Variants in CCDC106 observed in about 807,000 individuals in gnomAD.
CCDC106 encodes the protein coiled-coil domain containing 106.
A neutral mutation model predicts 24.7 loss-of-function variants in CCDC106; 17 were observed. The ratio of observed to expected loss-of-function variants is 0.69; its 90% CI spans 0.47 to 1.03. CCDC106 has a LOEUF of 1.03. Ranked by LOEUF, CCDC106 falls within the 50% of genes least tolerant of loss-of-function variation. The probability of loss-of-function intolerance (pLI) is 0.00; values close to 1 mark genes in which losing one functional copy is unlikely to be tolerated. For synonymous variants in CCDC106, 211 were observed against 161.3 expected (o/e 1.31, Z -2.34); for missense variants, 337 against 388.9 (o/e 0.87, Z 1.12).
In CCDC106 at chr19:55,652,626, G is replaced by A; in HGVS notation, c.723G>A (p.Glu241=). The change falls in exon 5 of 5, where the codon GAG becomes GAA. Residue 241 remains glutamate, a synonymous_variant. Transcript: ENST00000586790. This position sits in a 1 kb window ranked among gnomAD's most constrained non-coding sequence, Gnocchi z 5.9. Reference sequence around the variant, plus strand: ...TGGGCGAGTTCGACCCCTCCAAGGAGCGCCTGCTCGAGTACTCCCGCCGCT... The same window carrying A: ...TGGGCGAGTTCGACCCCTCCAAGGAACGCCTGCTCGAGTACTCCCGCCGCT... ...AEVGEFDPSK[E]RLLEYSRRCF... 1 of 1,612,844 alleles carries A rather than the reference G, an allele frequency of 6.2e-7. No homozygotes were observed. The highest frequency in any genetic ancestry group is 8.5e-7 in the Non-Finnish European group (1 of 1,179,898).
At position 55,652,200 on chromosome 19, in the gene CCDC106, T is replaced by A. The variant is rs1408188738; in HGVS notation, c.527-230T>A. Among the ~76,000 whole-genome samples, 1 of 151,590 alleles carries A rather than the reference T, an allele frequency of 6.6e-6. No homozygotes were observed. Among genetic ancestry groups the A allele is most frequent in the Admixed American group, 6.6e-5 (1 of 15,232 alleles). ...CTCTTGGCTCATTTTGTCTCCTCAC[T>A]CTCCTTCCTGGGCCTGCCTCTTCCC... is the stretch of plus-strand genomic sequence containing the variant. On this transcript the variant is annotated intron_variant, in intron 4 of 4. Transcript: ENST00000586790. The surrounding 1 kb of genome is among the most constrained non-coding windows in gnomAD (Gnocchi z 5.9).
At position 55,652,760 on chromosome 19, in the gene CCDC106, C is replaced by A; in HGVS notation, c.*14C>A. Reference sequence around the variant, plus strand: ...TTCAAGCGGTGATCGCACCACGCCTCCGCGCCTCCACCCGGGCCTTCCTCC... The same window carrying A: ...TTCAAGCGGTGATCGCACCACGCCTACGCGCCTCCACCCGGGCCTTCCTCC... On this transcript the variant is annotated 3_prime_UTR_variant, in exon 5 of 5. Coordinates refer to ENST00000586790, the MANE Select transcript of CCDC106 (RefSeq NM_001370470.1). This position sits in a 1 kb window ranked among gnomAD's most constrained non-coding sequence, Gnocchi z 5.9. 1 of 1,595,056 alleles carries A rather than the reference C, an allele frequency of 6.3e-7. No homozygotes were observed. The highest frequency in any genetic ancestry group is 1.1e-5 in the South Asian group (1 of 90,268).
rs779615835 is a variant in CCDC106, at chr19:55,651,344, T to C, written c.375T>C (p.Ala125=). 6.2e-7 allele frequency: 1 copy of C among 1,613,300 alleles called. No homozygotes were observed. Among genetic ancestry groups the C allele is most frequent in the South Asian group, 1.1e-5 (1 of 91,054 alleles). The stretch of plus-strand genomic sequence containing the variant: ...TGGAGGGGGACAGCCGTGGTGGGGC[T>C]GGGGGCGAGGCCTCGGACCCTGAGT... The part of the protein sequence containing the change: ...RRMEGDSRGG[A]GGEASDPESA... The change falls in exon 4 of 5, where the codon GCT becomes GCC. Residue 125 remains alanine, a synonymous_variant. Coordinates refer to ENST00000586790, the MANE Select transcript of CCDC106 (RefSeq NM_001370470.1).
At position 55,652,783 on chromosome 19, in the gene CCDC106, T is replaced by G; in HGVS notation, c.*37T>G. ...CTCCGCGCCTCCACCCGGGCCTTCC[T>G]CCCCCGTGGACCCCGGTGGATGACC... On this transcript the variant is annotated 3_prime_UTR_variant, in exon 5 of 5. Coordinates refer to ENST00000586790, the MANE Select transcript of CCDC106 (RefSeq NM_001370470.1). This position sits in a 1 kb window ranked among gnomAD's most constrained non-coding sequence, Gnocchi z 5.9. 1 of 1,545,882 alleles carries G rather than the reference T, an allele frequency of 6.5e-7. No individual in the cohort carries two copies. The highest frequency in any genetic ancestry group is 8.8e-7 in the Non-Finnish European group (1 of 1,137,446).
rs554247732 is a variant in CCDC106 at position 55,651,343 on chromosome 19, C to T, written c.374C>T (p.Ala125Val). Residue 125 changes from alanine to valine, a missense_variant, in exon 4 of 5, where the codon GCT becomes GTT. Ala to Val is a moderately conservative substitution (Grantham distance 64). Around this residue, in one of 2 missense-constraint regions of CCDC106, gnomAD observed 234 missense variants for 236.5 expected, o/e 0.99. Coordinates refer to ENST00000586790, the MANE Select transcript of CCDC106 (RefSeq NM_001370470.1). Reference sequence around the variant, plus strand: ...ATGGAGGGGGACAGCCGTGGTGGGGCTGGGGGCGAGGCCTCGGACCCTGAG... The same window carrying T: ...ATGGAGGGGGACAGCCGTGGTGGGGTTGGGGGCGAGGCCTCGGACCCTGAG... The part of the protein sequence containing the change: ...RRMEGDSRGG[A>V]GGEASDPESA... 5 of 1,613,322 alleles carry T rather than the reference C, an allele frequency of 3.1e-6. No homozygotes were observed. Among genetic ancestry groups the T allele is most frequent in the Non-Finnish European group, 4.2e-6 (5 of 1,179,806 alleles).
At chr19:55,651,849 G>C (rs1983310968) in intron 4 of CCDC106, among the ~76,000 whole-genome samples, 1 of 152,030 alleles carries the variant, frequency 6.6e-6, no homozygotes, top group African/African-American at 2.4e-5. Context: ...TTTTAGTAGA[G>C]GCCAGGGTTT....
chr19:55,649,723 T>G (rs559258961), intron 3 of CCDC106, 139 bp downstream of exon 3: 3 of 773,848 alleles, frequency 3.9e-6, no homozygotes, highest in African/African-American at 1.8e-5. Context: ...CCTGCCTGTT[T>G]TGGGCCCCCA....
chr19:55,649,301 A>G lies in CCDC106; in HGVS notation c.128A>G (p.Asn43Ser). The change falls in exon 2 of 5, where the codon AAC becomes AGC. Residue 43 changes from asparagine to serine, a missense_variant. Transcript: ENST00000586790. ...TACAGTCTGAGCCCCTCTCGGAGAA[A>G]CTTCGAGGGTGAGCTGAGGGGGTGT... ...IFYSLSPSRRNFEEPPEAASS... is the reference protein window; with the variant it reads ...IFYSLSPSRRSFEEPPEAASS... 1 of 1,613,582 alleles carries G rather than the reference A, an allele frequency of 6.2e-7. No individual in the cohort carries two copies. The highest frequency in any genetic ancestry group is 8.5e-7 in the Non-Finnish European group (1 of 1,179,668).
chr19:55,649,686 T>A, intron 3 of CCDC106, 102 bp downstream of exon 3: 4 of 1,148,086 alleles, frequency 3.5e-6, no homozygotes, highest in Non-Finnish European at 1.2e-6. Context: ...GGGTGGGACC[T>A]GCCATGTTGG....
rs1006869681 is a variant in CCDC106 at position 55,652,904 on chromosome 19, C to A, written c.*158C>A. ...CCCAAGCGCGACGGCCCCGGACCGG[C>A]CGCGGCCCCTTCCCGAACGCCGGCA... On this transcript the variant is annotated 3_prime_UTR_variant, in exon 5 of 5. Coordinates refer to ENST00000586790, the MANE Select transcript of CCDC106 (RefSeq NM_001370470.1). The surrounding 1 kb of genome is among the most constrained non-coding windows in gnomAD (Gnocchi z 5.9). 1 of 645,072 alleles carries A rather than the reference C, an allele frequency of 1.6e-6. No individual in the cohort carries two copies. The highest frequency in any genetic ancestry group is 3.0e-5 in the Admixed American group (1 of 33,106). 40.0% of individuals were successfully genotyped at this position (645,072 alleles called of 1,614,324 possible).
At position 55,648,710 on chromosome 19, in the gene CCDC106, G is replaced by A. The variant is rs2123645606; in HGVS notation, c.-337G>A. ...TGTCCCTGGTCAGGCGACCCCTTGG[G>A]GCACCCAGCAATTTAGGGCTTCAGC... On this transcript the variant is annotated 5_prime_UTR_variant, in exon 1 of 5. Coordinates refer to ENST00000586790, the MANE Select transcript of CCDC106 (RefSeq NM_001370470.1). The A allele has an allele frequency of 2.3e-6, 1 of 433,162 alleles. No individual in the cohort carries two copies. The highest frequency in any genetic ancestry group is 3.1e-5 in the South Asian group (1 of 31,880). 26.8% of individuals were successfully genotyped at this position (433,162 alleles called of 1,614,324 possible).
chr19:55,651,824 G>T (rs999757698), intron 4 of CCDC106, among the ~76,000 whole-genome samples: 1 of 152,064 alleles, frequency 6.6e-6, no homozygotes, highest in Non-Finnish European at 1.5e-5. Context: ...ACCACGCCTG[G>T]CTAATTTTTT....
In CCDC106 at chr19:55,651,358, C is replaced by T. The variant is rs769496373; in HGVS notation, c.389C>T (p.Ser130Leu). Reference sequence around the variant, plus strand: ...CGTGGTGGGGCTGGGGGCGAGGCCTCGGACCCTGAGTCAGCAGCCTCCTCC... The same window carrying T: ...CGTGGTGGGGCTGGGGGCGAGGCCTTGGACCCTGAGTCAGCAGCCTCCTCC... ...DSRGGAGGEA[S>L]DPESAASSLS... is the part of the protein sequence containing the mutation. Residue 130 changes from serine to leucine, a missense_variant, in exon 4 of 5, where the codon TCG (serine) becomes TTG (leucine). Physicochemically the swap from Ser to Leu is moderately radical, Grantham distance 145. Coordinates refer to ENST00000586790, the MANE Select transcript of CCDC106 (RefSeq NM_001370470.1). 57 of 1,612,778 alleles carry T rather than the reference C, an allele frequency of 3.5e-5. No homozygotes were observed. The highest frequency in any genetic ancestry group is 1.3e-4 in the Admixed American group (8 of 59,948).
intron 3 of CCDC106, 94 bp downstream of exon 3, chr19:55,649,678 G>A (rs1176037497): frequency 2.4e-6 from 3 of 1,243,598 alleles, no homozygotes; most frequent in Non-Finnish European, 3.4e-6. Context: ...GGCTGGCTGG[G>A]TGGGACCTGC....
chr19:55,652,989 CA>C lies in CCDC106; in HGVS notation c.*244del, dbSNP rs1408248258. On this transcript the variant is annotated 3_prime_UTR_variant, in exon 5 of 5. Transcript: ENST00000586790. The surrounding 1 kb of genome is among the most constrained non-coding windows in gnomAD (Gnocchi z 5.9). ...GCCGGGCCCCTTCCTCCTGGAAAAC[CA>C]GGCAGGCGGGTGCCCCCCCCTCGAG... 1 of 487,360 alleles carries C rather than the reference CA, an allele frequency of 2.1e-6. No homozygotes were observed. Among genetic ancestry groups the C allele is most frequent in the Non-Finnish European group, 3.6e-6 (1 of 277,380 alleles). 30.2% of individuals were successfully genotyped at this position (487,360 alleles called of 1,614,324 possible). A position where few individuals can be genotyped will look rare whatever the true frequency, so the allele number is the denominator to read the frequency against.
chr19:55,649,356 G>A, intron 2 of CCDC106, 47 bp downstream of exon 2: 2 of 1,613,258 alleles, frequency 1.2e-6, no homozygotes, highest in Non-Finnish European at 1.7e-6. Flanking sequence ...GGGAAGCCAA[G>A]CCCTGAGTCC....
chr19:55,649,554 A>G lies in CCDC106; in HGVS notation c.283A>G (p.Lys95Glu). Residue 95 changes from lysine (K) to glutamate (E), a missense_variant, in exon 3 of 5, where the codon AAA (lysine) becomes GAA (glutamate). Lys to Glu is a moderately conservative substitution (Grantham distance 56). This residue lies in a region of CCDC106 where 234 missense variants were observed against 236.5 expected (regional missense o/e 0.99). Transcript: ENST00000586790. ...ERDFLRCQLD[K>E]FISSARMEAE... ...GGACTTCCTGCGGTGCCAGCTGGAC[A>G]AATTCATCTCTTCTGCTCGGATGGA... 6.2e-7 allele frequency: 1 copy of G among 1,614,078 alleles called. No individual in the cohort carries two copies. The highest frequency in any genetic ancestry group is 8.5e-7 in the Non-Finnish European group (1 of 1,179,986).
rs750853514 is a variant in CCDC106 at position 55,649,058 on chromosome 19, G to A, written c.12G>A (p.Arg4=). ...TAGGAAGCCGCGCCATGAATGACCGGAGCAGTCGGAGGCGGACAAGTGAGG... is the reference window on the plus strand; with the variant it reads ...TAGGAAGCCGCGCCATGAATGACCGAAGCAGTCGGAGGCGGACAAGTGAGG... MND[R]SSRRRTMKDD... is the part of the protein sequence containing the mutation. Residue 4 remains arginine (R), a synonymous_variant, in exon 1 of 5, where the codon CGG becomes CGA. Coordinates refer to ENST00000586790, the MANE Select transcript of CCDC106 (RefSeq NM_001370470.1). 5 of 1,613,674 alleles carry A rather than the reference G, an allele frequency of 3.1e-6. No individual in the cohort carries two copies. In the Admixed American group the frequency reaches 8.3e-5, roughly 27 times the overall value.
In CCDC106 at chr19:55,652,898, G is replaced by C. The variant is rs2123656954; in HGVS notation, c.*152G>C. ...CGGGCCCCCAAGCGCGACGGCCCCG[G>C]ACCGGCCGCGGCCCCTTCCCGAACG... On this transcript the variant is annotated 3_prime_UTR_variant, in exon 5 of 5. Coordinates refer to ENST00000586790, the MANE Select transcript of CCDC106 (RefSeq NM_001370470.1). The surrounding 1 kb of genome is among the most constrained non-coding windows in gnomAD (Gnocchi z 5.9). 1 of 670,632 alleles carries C rather than the reference G, an allele frequency of 1.5e-6. No homozygotes were observed. Among genetic ancestry groups the C allele is most frequent in the Non-Finnish European group, 2.5e-6 (1 of 403,970 alleles). The allele number at this position is 670,632 out of a possible 1,614,324, so 41.5% of individuals were successfully genotyped here.
Sources: gnomAD v4.1 joint callset for allele counts (sites outside exome capture counted in the v4.1 genomes callset) on GRCh38, gnomAD v4.1.1 for gene constraint, gnomAD v4.1.1 regional missense constraint, Gnocchi (gnomAD v3.1) non-coding constraint, MANE v1.5 for transcripts, NCBI Gene and HGNC (gene_info 2026-07-23, HGNC 2026-07-21) for gene names.